Variants in FAM220A observed in about 807,000 individuals in gnomAD.
FAM220A encodes protein FAM220A.
For missense variants in FAM220A, 392 were observed against 321.6 expected (o/e 1.22, Z -1.68); for synonymous variants, 141 against 130.7 (o/e 1.08, Z -0.54).
Position 6,336,172 on chromosome 7 carries a change from C to CAAA in FAM220A, c.-81-4940_-81-4938dup, listed in dbSNP as rs113753233. Among the ~76,000 whole-genome samples the CAAA allele has an allele frequency of 3.3e-3, 437 of 131,810 alleles. 5 individuals are homozygous for CAAA. Among genetic ancestry groups the CAAA allele is most frequent in the Admixed American group, 4.6e-3 (58 of 12,730 alleles). 86.5% of individuals were successfully genotyped at this position (131,810 alleles called of 152,430 possible). Reference sequence around the variant, plus strand: ...TGGGCAACAGAGTGAGATTTTGCCTCAAAAAAAAAAAAAAAATTAAAAGAT... The same window carrying CAAA: ...TGGGCAACAGAGTGAGATTTTGCCTCAAAAAAAAAAAAAAAAAAATTAAAAGAT... On this transcript the variant is annotated intron_variant, in intron 1 of 1. Coordinates refer to ENST00000313324, the MANE Select transcript of FAM220A (RefSeq NM_001037163.2).
rs963514637 is a variant in FAM220A at position 6,348,899 on chromosome 7, A to T, written c.-408T>A. Reference sequence around the variant, plus strand: ...GGGCGGGCGGGCCGCAGTGGAGCGGAGTCCGCACGTCACGCTCGGAGAAGT... The same window carrying T: ...GGGCGGGCGGGCCGCAGTGGAGCGGTGTCCGCACGTCACGCTCGGAGAAGT... On this transcript the variant is annotated 5_prime_UTR_variant, in exon 1 of 2. Coordinates refer to ENST00000313324, the MANE Select transcript of FAM220A (RefSeq NM_001037163.2). 2.6e-6 allele frequency: 1 copy of T among 385,932 alleles called. No homozygotes were observed. The highest frequency in any genetic ancestry group is 4.6e-6 in the Non-Finnish European group (1 of 219,312). The allele number at this position is 385,932 out of a possible 1,614,324, so 23.9% of individuals were successfully genotyped here.
chr7:6,337,826 C>T lies in FAM220A; in HGVS notation c.-81-6591G>A, dbSNP rs539547806. ...ATTTATTTATTTATTTATTTTGAGA[C>T]AGAGTCTTGCTCTGTCACCCAGGCT... On this transcript the variant is annotated intron_variant, in intron 1 of 1. Coordinates refer to ENST00000313324, the MANE Select transcript of FAM220A (RefSeq NM_001037163.2). Among the ~76,000 whole-genome samples, 15 of 143,288 alleles carry T rather than the reference C, an allele frequency of 1.0e-4. No homozygotes were observed. In the South Asian group the frequency reaches 3.0e-3, roughly 28 times the overall value. 94.0% of individuals were successfully genotyped at this position (143,288 alleles called of 152,430 possible).
intron 1 of FAM220A, among the ~76,000 whole-genome samples, chr7:6,339,633 G>C (rs1474993542): frequency 6.6e-6 from 1 of 150,548 alleles, no homozygotes; most frequent in South Asian, 2.1e-4. Context: ...ACAGGCGCCC[G>C]CCACCACGCC....
In FAM220A at chr7:6,348,601, G is replaced by C. The variant is rs1235483060; in HGVS notation, c.-110C>G. The C allele has an allele frequency of 2.2e-6, 1 of 456,122 alleles. No individual in the cohort carries two copies. The highest frequency in any genetic ancestry group is 3.9e-6 in the Non-Finnish European group (1 of 256,764). 28.3% of individuals were successfully genotyped at this position (456,122 alleles called of 1,614,324 possible). On this transcript the variant is annotated 5_prime_UTR_variant, in exon 1 of 2. Transcript: ENST00000313324. Reference sequence around the variant, plus strand: ...CAGGCGGACGTTGAGCATCATGGAAGCCACGATGTAGAGGTAGGGGAAGTT... The same window carrying C: ...CAGGCGGACGTTGAGCATCATGGAACCCACGATGTAGAGGTAGGGGAAGTT...
chr7:6,332,932 G>A (rs568422438), intron 1 of FAM220A, among the ~76,000 whole-genome samples: 1 of 152,242 alleles, frequency 6.6e-6, no homozygotes, highest in East Asian at 1.9e-4. Context: ...AGGCCAAGGC[G>A]GACAAATCAT....
chr7:6,348,058 G>A lies in FAM220A; in HGVS notation c.-82+515C>T, dbSNP rs1002531166. On this transcript the variant is annotated intron_variant, in intron 1 of 1. Transcript: ENST00000313324. ...CCCGAGTAGCTGGGATTACAGGCAC[G>A]CGCCACCACGCCCGGCTAATTCTGT... Among the ~76,000 whole-genome samples the A allele has an allele frequency of 4.0e-5, 6 of 151,438 alleles. 1 individual carries two copies. Among genetic ancestry groups the A allele is most frequent in the Non-Finnish European group, 7.4e-5 (5 of 67,818 alleles).
chr7:6,336,396 A>G (rs568759882), intron 1 of FAM220A, among the ~76,000 whole-genome samples: 1 of 151,288 alleles, frequency 6.6e-6, no homozygotes, highest in Admixed American at 6.6e-5. Context: ...ATAAAAGAAT[A>G]CAGGCCAGGC....
intron 1 of FAM220A, among the ~76,000 whole-genome samples, chr7:6,346,286 G>A (rs1396100378): frequency 6.6e-6 from 1 of 152,038 alleles, no homozygotes; most frequent in Non-Finnish European, 1.5e-5. Context: ...CCTCTAATCA[G>A]GTATAATTTC....
chr7:6,334,068 T>TCC (rs1287970673), intron 1 of FAM220A, among the ~76,000 whole-genome samples: 3 of 151,120 alleles, frequency 2.0e-5, no homozygotes, highest in East Asian at 2.0e-4. Context: ...GGATGGAATC[T>TCC]ATCTCCTGAC....
In FAM220A at chr7:6,337,123, G is replaced by T. The variant is rs1184149929; in HGVS notation, c.-81-5888C>A. Among the ~76,000 whole-genome samples the T allele has an allele frequency of 1.3e-4, 19 of 150,858 alleles. No homozygotes were observed. The East Asian group carries it at 1.4e-3, about 11-fold the overall frequency. ...CTCTCTCTGTCTCGCCCAGGCTGGA[G>T]TGCAGTGGCGCAATCTCAGCTCACT... On this transcript the variant is annotated intron_variant, in intron 1 of 1. Transcript: ENST00000313324.
At position 6,330,610 on chromosome 7, in the gene FAM220A, T is replaced by C; in HGVS notation, c.545A>G (p.Glu182Gly). 1.9e-6 allele frequency: 3 copies of C among 1,614,158 alleles called. No individual in the cohort carries two copies. Among genetic ancestry groups the C allele is most frequent in the South Asian group, 1.1e-5 (1 of 91,090 alleles). ...GGAGTGCAGGCAAGCGGGTTCCAAC[T>C]CAGAGCCCAGACCCTTGGGAAAAGC... is the stretch of plus-strand genomic sequence containing the variant. ...PSAFPKGLGSELEPACLHSIL... is the reference protein window; with the variant it reads ...PSAFPKGLGSGLEPACLHSIL... Residue 182 changes from glutamate (E) to glycine (G), a missense_variant, in exon 2 of 2, where the codon GAG becomes GGG. By Grantham distance (98) the Glu-to-Gly change is moderately conservative (BLOSUM62 -2). Transcript: ENST00000313324.
Position 6,330,493 on chromosome 7 carries a change from G to C in FAM220A, c.662C>G (p.Ser221Ter), listed in dbSNP as rs765053848. ...IFLDRLKPMFSKQTIEFKKML... is the reference protein window; with the variant it reads ...IFLDRLKPMF ...TTTCTTGAATTCTATTGTTTGCTTT[G>C]AAAACATGGGCTTTAAACGGTCAAG... The change falls in exon 2 of 2, where the codon TCA (serine) becomes TGA (stop). Residue 221 changes from serine (S) to a stop codon, truncating the protein, a stop_gained. Coordinates refer to ENST00000313324, the MANE Select transcript of FAM220A (RefSeq NM_001037163.2). LOFTEE classifies it low-confidence loss of function (END_TRUNC). 6.2e-7 allele frequency: 1 copy of C among 1,614,024 alleles called. No individual in the cohort carries two copies. The highest frequency in any genetic ancestry group is 2.2e-5 in the East Asian group (1 of 44,906).
chr7:6,333,714 G>T (rs1036560781), intron 1 of FAM220A, among the ~76,000 whole-genome samples: 2 of 151,070 alleles, frequency 1.3e-5, no homozygotes, highest in Admixed American at 1.3e-4. Context: ...AAGCTCTAGA[G>T]TGAGAAAGGA....
intron 1 of FAM220A, among the ~76,000 whole-genome samples, chr7:6,338,285 G>A (rs780937633): frequency 3.6e-4 from 55 of 152,120 alleles, no homozygotes; most frequent in Non-Finnish European, 6.5e-4. Flanking sequence ...CAGTATGCTA[G>A]AGATATATTG....
At chr7:6,334,922 C>G (rs769390303) in intron 1 of FAM220A, among the ~76,000 whole-genome samples, 16 of 151,904 alleles carry the variant, frequency 1.1e-4, no homozygotes, top group Non-Finnish European at 1.6e-4. Flanking sequence ...GCATGTGCCA[C>G]CACGCCTGGC....
chr7:6,334,957 G>A (rs376703554), intron 1 of FAM220A, among the ~76,000 whole-genome samples: 5 of 150,742 alleles, frequency 3.3e-5, no homozygotes, highest in Admixed American at 6.6e-5. Flanking sequence ...TAATAGAGAC[G>A]GGTTTCTTCA....
chr7:6,335,424 T>G (rs947714814), intron 1 of FAM220A, among the ~76,000 whole-genome samples: 3 of 151,272 alleles, frequency 2.0e-5, no homozygotes, highest in African/African-American at 7.3e-5. Flanking sequence ...AGATGGTGTT[T>G]CGCTATGTTG....
At chr7:6,348,399 C>G (rs551933987) in intron 1 of FAM220A, among the ~76,000 whole-genome samples, 174 bp downstream of exon 1, 15 of 152,172 alleles carry the variant, frequency 9.9e-5, no homozygotes, top group Non-Finnish European at 2.2e-4. Flanking sequence ...GTTTGCAGAA[C>G]GGGGATAAGG....
Position 6,330,480 on chromosome 7 carries a change from T to C in FAM220A, c.675A>G (p.Ile225Met), listed in dbSNP as rs879197545. ...RLKPMFSKQT[I>M]EFKKMLKSTS... is the part of the protein sequence containing the mutation. Reference sequence around the variant, plus strand: ...TGCTTTTAAGCATTTTCTTGAATTCTATTGTTTGCTTTGAAAACATGGGCT... The same window carrying C: ...TGCTTTTAAGCATTTTCTTGAATTCCATTGTTTGCTTTGAAAACATGGGCT... The change falls in exon 2 of 2, where the codon ATA becomes ATG. Residue 225 changes from isoleucine (I) to methionine (M), a missense_variant. By Grantham distance (10) the Ile-to-Met change is conservative. Coordinates refer to ENST00000313324, the MANE Select transcript of FAM220A (RefSeq NM_001037163.2). 4 of 1,614,228 alleles carry C rather than the reference T, an allele frequency of 2.5e-6. No homozygotes were observed. The highest frequency in any genetic ancestry group is 3.4e-6 in the Non-Finnish European group (4 of 1,180,048).
Sources: allele counts gnomAD v4.1 joint callset (sites outside exome capture counted in the v4.1 genomes callset), GRCh38; gene constraint gnomAD v4.1.1; transcripts MANE v1.5; gene names NCBI Gene and HGNC (gene_info 2026-07-23, HGNC 2026-07-21).